The following SNTG1 variants were observed in gnomAD, a reference collection of about 807,000 sequenced individuals.
SNTG1 encodes gamma-1-syntrophin.
In SNTG1, 39 loss-of-function variants were observed where a neutral mutation model predicts 74.7. The ratio of observed to expected loss-of-function variants is 0.52; its 90% CI spans 0.40 to 0.68. The LOEUF is 0.68. Among genes scored for constraint, SNTG1 ranks in the 30% least tolerant of loss-of-function variants. SNTG1 has a pLI of 0.00. For missense variants in SNTG1, 685 were observed against 609.5 expected (o/e 1.12, Z -1.30); for synonymous variants, 254 against 217.1 (o/e 1.17, Z -1.49).
chr8:50,266,951 C>T (rs1036304301), intron 2 of SNTG1, among the ~76,000 whole-genome samples: 15 of 151,860 alleles, frequency 9.9e-5, no homozygotes, highest in African/African-American at 3.1e-4. Flanking sequence ...AAGATCACCA[C>T]GCCCCAGAGA....
At chr8:50,562,099 A>G (rs1032322217) in intron 12 of SNTG1, among the ~76,000 whole-genome samples, 1 of 152,208 alleles carries the variant, frequency 6.6e-6, no homozygotes, top group African/African-American at 2.4e-5. Context: ...AATTTGAAAA[A>G]TGTTATTTTG....
intron 1 of SNTG1, among the ~76,000 whole-genome samples, chr8:49,928,561 C>G (rs547968802): frequency 2.0e-5 from 3 of 152,024 alleles, no homozygotes; most frequent in Non-Finnish European, 4.4e-5. Flanking sequence ...AAATACACTA[C>G]TCTGCTGGTG....
At chr8:50,587,835 C>T (rs1025604997) in intron 12 of SNTG1, among the ~76,000 whole-genome samples, 2 of 146,560 alleles carry the variant, frequency 1.4e-5, no homozygotes, top group African/African-American at 2.5e-5. Context: ...AAAAATTTAG[C>T]GGCTCATGGC....
chr8:50,461,247 A>G (rs2093559557), intron 8 of SNTG1, among the ~76,000 whole-genome samples: 1 of 151,234 alleles, frequency 6.6e-6, no homozygotes, highest in Non-Finnish European at 1.5e-5. Flanking sequence ...AAGACCACGG[A>G]GTGAAATTGC....
At chr8:50,103,920 CA>C (rs1244990176) in intron 1 of SNTG1, among the ~76,000 whole-genome samples, 1 of 152,156 alleles carries the variant, frequency 6.6e-6, no homozygotes, top group African/African-American at 2.4e-5. Flanking sequence ...CCCACTTGAT[CA>C]TGCTGGATAA....
chr8:50,302,162 C>T (rs982312352), intron 2 of SNTG1, among the ~76,000 whole-genome samples: 21 of 152,236 alleles, frequency 1.4e-4, no homozygotes, highest in Admixed American at 3.3e-4. Context: ...GCTGACAGAC[C>T]GGTGTGTGGA....
chr8:50,643,017 G>C (rs774083987), intron 13 of SNTG1, among the ~76,000 whole-genome samples: 23 of 151,874 alleles, frequency 1.5e-4, no homozygotes, highest in Admixed American at 2.6e-4. Flanking sequence ...CTTATATGTG[G>C]ACACTGTAGA....
chr8:49,990,246 T>C (rs1411214482), intron 1 of SNTG1, among the ~76,000 whole-genome samples: 1 of 152,006 alleles, frequency 6.6e-6, no homozygotes, highest in Non-Finnish European at 1.5e-5. Context: ...TTCTATATAC[T>C]ATAATGAACA....
chr8:49,985,435 T>C (rs571723286), intron 1 of SNTG1, among the ~76,000 whole-genome samples: 2 of 152,322 alleles, frequency 1.3e-5, no homozygotes, highest in Non-Finnish European at 2.9e-5. Flanking sequence ...GAGCCTACAA[T>C]GTTTTAAATC....
At chr8:50,533,278 A>T (rs2094283525) in intron 10 of SNTG1, among the ~76,000 whole-genome samples, 1 of 152,230 alleles carries the variant, frequency 6.6e-6, no homozygotes, top group African/African-American at 2.4e-5. Context: ...ACCTTTAATT[A>T]ATACATCCTA....
intron 2 of SNTG1, among the ~76,000 whole-genome samples, chr8:50,277,623 T>C (rs1016465148): frequency 1.4e-4 from 21 of 152,268 alleles, no homozygotes; most frequent in African/African-American, 5.1e-4. Context: ...TTGGTATAAA[T>C]AGATATTCAT....
intron 2 of SNTG1, among the ~76,000 whole-genome samples, chr8:50,222,022 G>T (rs577121787): frequency 1.3e-5 from 2 of 152,186 alleles, no homozygotes; most frequent in African/African-American, 4.8e-5. Flanking sequence ...AATCTTAGGG[G>T]TGCAGAAAAT....
intron 2 of SNTG1, among the ~76,000 whole-genome samples, chr8:50,296,829 AAAC>A (rs2089402806): frequency 6.6e-6 from 1 of 152,154 alleles, no homozygotes; most frequent in African/African-American, 2.4e-5. Context: ...CGAAAACAAA[AAAC>A]AGTTTATTCC....
intron 4 of SNTG1, among the ~76,000 whole-genome samples, chr8:50,409,962 G>A (rs1427651175): frequency 6.6e-6 from 1 of 152,078 alleles, no homozygotes; most frequent in African/African-American, 2.4e-5. Context: ...CAGTGTAATG[G>A]GCACCATTAG....
chr8:50,722,822 A>G (rs2095491029), intron 17 of SNTG1, among the ~76,000 whole-genome samples: 1 of 152,320 alleles, frequency 6.6e-6, no homozygotes, highest in Non-Finnish European at 1.5e-5. Flanking sequence ...TTTAAAATTC[A>G]AGAAAAATTA....
At chr8:50,494,335 A>G (rs1310746833) in intron 8 of SNTG1, among the ~76,000 whole-genome samples, 2 of 151,952 alleles carry the variant, frequency 1.3e-5, no homozygotes, top group African/African-American at 2.4e-5. Flanking sequence ...CAGTATTGGC[A>G]TATGTATTTA....
chr8:50,727,677 C>T (rs1302372424), intron 17 of SNTG1, among the ~76,000 whole-genome samples: 1 of 152,164 alleles, frequency 6.6e-6, no homozygotes, highest in Non-Finnish European at 1.5e-5. Flanking sequence ...TCCCCTCCTC[C>T]ACTCCTCATT....
At chr8:50,590,642 T>A (rs2094685492) in intron 12 of SNTG1, among the ~76,000 whole-genome samples, 1 of 152,124 alleles carries the variant, frequency 6.6e-6, no homozygotes, top group Admixed American at 6.5e-5. Context: ...GTTAAAAAAA[T>A]TTTAAAGGGA....
intron 18 of SNTG1, among the ~76,000 whole-genome samples, chr8:50,782,863 G>A (rs184890455): frequency 2.0e-4 from 31 of 152,246 alleles, no homozygotes; most frequent in African/African-American, 6.5e-4. Flanking sequence ...TGATGATGGT[G>A]ATGTAAGATG....
Sources: gnomAD v4.1 joint callset for allele counts (sites outside exome capture counted in the v4.1 genomes callset) on GRCh38, gnomAD v4.1.1 for gene constraint, MANE v1.5 for transcripts, NCBI Gene and HGNC (gene_info 2026-07-23, HGNC 2026-07-21) for gene names.